The following HSPG2 variants were observed in gnomAD, a reference collection of about 807,000 sequenced individuals.
The protein encoded by HSPG2 is basement membrane-specific heparan sulfate proteoglycan core protein.
A neutral mutation model predicts 526.6 loss-of-function variants in HSPG2; 278 were observed. The observed-to-expected ratio is 0.53, with a 90% CI of 0.48 to 0.58. The LOEUF (loss-of-function observed/expected upper bound fraction) is 0.58. Among genes scored for constraint, HSPG2 ranks in the 20% least tolerant of loss-of-function variants. The pLI, the probability that HSPG2 is intolerant of heterozygous loss-of-function variation, is 0.00. For synonymous variants in HSPG2, 2,465 were observed against 2,555.4 expected, an observed-to-expected ratio of 0.96 and a Z score of 1.07; for missense variants, 5,354 against 6,099.5, an observed-to-expected ratio of 0.88 and a Z score of 4.07.
At chr1:21,896,525 C>T (rs1234158633) in intron 1 of HSPG2, among the ~76,000 whole-genome samples, 1 of 152,184 alleles carries the variant, frequency 6.6e-6, no homozygotes, top group Non-Finnish European at 1.5e-5. Context: ...CAGAGCCCAA[C>T]CCTGCTATTT....
chr1:21,935,404 G>A (rs971789010), intron 1 of HSPG2, among the ~76,000 whole-genome samples: 2 of 152,172 alleles, frequency 1.3e-5, no homozygotes, highest in Non-Finnish European at 1.5e-5. Context: ...GGCACAGACA[G>A]GGCCTGTCCT....
rs1008645560 is a variant in HSPG2, at chr1:21,850,313, G to A, written c.7294+50C>T. 9 of 1,604,674 alleles carry A rather than the reference G, an allele frequency of 5.6e-6. No individual in the cohort carries two copies. In the African/African-American group the frequency reaches 1.1e-4, roughly 19 times the overall value. On this transcript the variant is annotated intron_variant, in intron 56 of 96. Transcript: ENST00000374695. The stretch of plus-strand genomic sequence containing the variant: ...CTGATCCTGCCGTTGCAAGAGTGGG[G>A]GGCCTCCCACCCTGGGTCCCCAGCC...
intron 1 of HSPG2, among the ~76,000 whole-genome samples, chr1:21,923,653 A>G (rs1644106238): frequency 6.6e-6 from 1 of 152,178 alleles, no homozygotes; most frequent in Non-Finnish European, 1.5e-5. Flanking sequence ...GAGATCTCCC[A>G]GAGGTCTGGT....
intron 81 of HSPG2, among the ~76,000 whole-genome samples, chr1:21,832,143 C>G (rs2098007003): frequency 6.6e-6 from 1 of 152,178 alleles, no homozygotes; most frequent in African/African-American, 2.4e-5. Context: ...TTATTCTTCC[C>G]CAGTGAGAAT....
intron 76 of HSPG2, chr1:21,835,146 T>C: frequency 1.5e-6 from 1 of 678,122 alleles, no homozygotes; most frequent in African/African-American, 1.8e-5. Context: ...CCACTTCTTT[T>C]TTTTTTTTAG....
intron 33 of HSPG2, among the ~76,000 whole-genome samples, chr1:21,866,334 A>T (rs1299751641): frequency 6.6e-6 from 1 of 152,148 alleles, no homozygotes; most frequent in Non-Finnish European, 1.5e-5. Context: ...CATGCAGACC[A>T]TGTGGTCTGA....
chr1:21,865,206 G>A lies in HSPG2; in HGVS notation c.4395+79C>T, dbSNP rs376197949. The A allele has an allele frequency of 2.1e-5, 32 of 1,527,090 alleles. No individual in the cohort carries two copies. In the African/African-American group the frequency reaches 2.5e-4, roughly 12 times the overall value. The allele number at this position is 1,527,090 out of a possible 1,614,324, so 94.6% of individuals were successfully genotyped here. A position where few individuals can be genotyped will look rare whatever the true frequency, so the allele number is the denominator to read the frequency against. On this transcript the variant is annotated intron_variant, in intron 35 of 96. Coordinates refer to ENST00000374695, the MANE Select transcript of HSPG2 (RefSeq NM_005529.7). The surrounding 1 kb of genome is among the most constrained non-coding windows in gnomAD (Gnocchi z 5.4). ...GTGAAGGTTGGGGAGCGAGAGACAGGGTGGGTATCAAAGCCAGGCTCTGAG... is the reference window on the plus strand; with the variant it reads ...GTGAAGGTTGGGGAGCGAGAGACAGAGTGGGTATCAAAGCCAGGCTCTGAG...
intron 13 of HSPG2, 37 bp downstream of exon 13, chr1:21,884,491 C>T: frequency 6.2e-7 from 1 of 1,610,508 alleles, no homozygotes; most frequent in Non-Finnish European, 8.5e-7. Flanking sequence ...GTACCCACCT[C>T]CCACCTCCCG....
At chr1:21,875,588 C>CCCCAAG (rs1376833637) in intron 25 of HSPG2, 41 bp downstream of exon 25, 1 of 1,506,102 alleles carries the variant, frequency 6.6e-7, no homozygotes, top group Admixed American at 1.7e-5. Flanking sequence ...TGGAGCCCCT[C>CCCCAAG]CCCAAGCCCA....
At chr1:21,891,153 C>T (rs552081165) in intron 3 of HSPG2, among the ~76,000 whole-genome samples, 7 of 152,316 alleles carry the variant, frequency 4.6e-5, no homozygotes, top group East Asian at 3.9e-4. Context: ...GGGTAGAGAC[C>T]GCTCCCCTGG....
chr1:21,839,608 G>A lies in HSPG2; in HGVS notation c.9710-58C>T. 1 of 1,587,176 alleles carries A rather than the reference G, an allele frequency of 6.3e-7. No individual in the cohort carries two copies. The highest frequency in any genetic ancestry group is 8.6e-7 in the Non-Finnish European group (1 of 1,162,134). On this transcript the variant is annotated intron_variant, in intron 72 of 96. Transcript: ENST00000374695. The surrounding 1 kb of genome is among the most constrained non-coding windows in gnomAD (Gnocchi z 4.5). ...CTGGGCTACCTCAGGGACCCGCAGA[G>A]GGTGGCCATGGTGAGGAAGGGCCCT...
chr1:21,848,456 G>A lies in HSPG2; in HGVS notation c.7737+187C>T, dbSNP rs1047659178. On this transcript the variant is annotated intron_variant, in intron 59 of 96. Coordinates refer to ENST00000374695, the MANE Select transcript of HSPG2 (RefSeq NM_005529.7). This position sits in a 1 kb window ranked among gnomAD's most constrained non-coding sequence, Gnocchi z 4.9. ...TTTCAGTGAGATTTGGTGCAGAAGT[G>A]GATCTCCCTGAGGTCAGGGAGCCTT... Among the ~76,000 whole-genome samples, 7 of 152,148 alleles carry A rather than the reference G, an allele frequency of 4.6e-5. No individual in the cohort carries two copies. Among genetic ancestry groups the A allele is most frequent in the Non-Finnish European group, 8.8e-5 (6 of 68,018 alleles).
rs1450531583 is a variant in HSPG2, at chr1:21,847,446, G to T, written c.8072C>A (p.Ser2691Ter). Residue 2691 changes from serine to a stop codon, truncating the protein, a stop_gained, in exon 62 of 97, where the codon TCG becomes TAG. Coordinates refer to ENST00000374695, the MANE Select transcript of HSPG2 (RefSeq NM_005529.7). LOFTEE classifies it high-confidence loss of function. This position sits in a 1 kb window ranked among gnomAD's most constrained non-coding sequence, Gnocchi z 4.1. ...GTTGGCCCGGCACACATACTCGCCC[G>T]AGTCAGCCACAGACATTTGGTGCAA... ...LRLHQMSVADSGEYVCRANNN... is the reference protein window; with the variant it reads ...LRLHQMSVAD 5 of 1,613,802 alleles carry T rather than the reference G, an allele frequency of 3.1e-6. No individual in the cohort carries two copies. The Admixed American group carries it at 6.7e-5, about 22-fold the overall frequency.
intron 1 of HSPG2, among the ~76,000 whole-genome samples, chr1:21,926,178 C>A (rs1644185952): frequency 6.6e-6 from 1 of 152,118 alleles, no homozygotes; most frequent in Non-Finnish European, 1.5e-5. Flanking sequence ...AGATATAATG[C>A]CAACTTCAAA....
intron 3 of HSPG2, among the ~76,000 whole-genome samples, chr1:21,891,610 CTGT>C (rs1378623652): frequency 6.7e-6 from 1 of 149,178 alleles, no homozygotes; most frequent in Non-Finnish European, 1.5e-5. Context: ...ACACATGCAT[CTGT>C]TGTTTCTTTT....
chr1:21,917,540 T>C (rs911702977), intron 1 of HSPG2, among the ~76,000 whole-genome samples: 39 of 152,206 alleles, frequency 2.6e-4, no homozygotes, highest in African/African-American at 7.7e-4. Context: ...CGAGAAGCCA[T>C]GTCTTTAAGA....
chr1:21,830,138 G>T, intron 85 of HSPG2, 47 bp from the exon 86 acceptor site: 1 of 1,452,856 alleles, frequency 6.9e-7, no homozygotes, highest in Non-Finnish European at 9.4e-7. Context: ...TGACTCTGGA[G>T]GGAGGGGGGT....
intron 80 of HSPG2, 183 bp downstream of exon 80, chr1:21,833,085 C>T (rs538158786): frequency 1.6e-4 from 107 of 666,232 alleles, no homozygotes; most frequent in Non-Finnish European, 2.4e-4. Context: ...ATGGAGAAGC[C>T]GGGAGGCACA....
chr1:21,926,787 A>AAG, intron 1 of HSPG2, among the ~76,000 whole-genome samples: 1 of 92,014 alleles, frequency 1.1e-5, no homozygotes, highest in Admixed American at 1.4e-4. Flanking sequence ...AAAAAAAAAA[A>AAG]AGAGAGAAAG....
Sources: allele counts gnomAD v4.1 joint callset (sites outside exome capture counted in the v4.1 genomes callset), GRCh38; gene constraint gnomAD v4.1.1; non-coding constraint Gnocchi (gnomAD v3.1); transcripts MANE v1.5; gene names NCBI Gene and HGNC (gene_info 2026-07-23, HGNC 2026-07-21).